Variants in F13A1 observed in about 807,000 individuals in gnomAD.
F13A1 encodes the protein coagulation factor XIII A chain.
In F13A1, 47 loss-of-function variants were observed where a neutral mutation model predicts 80.1. That is an observed-to-expected ratio of 0.59 (90% CI 0.46 to 0.75). The LOEUF (loss-of-function observed/expected upper bound fraction) is 0.75, where lower values mean the gene tolerates loss of function less well. F13A1 is among the 30% of genes least tolerant of loss of function. F13A1 has a pLI of 0.00. For missense variants in F13A1, 817 were observed against 930.4 expected, an observed-to-expected ratio of 0.88 and a Z score of 1.59; for synonymous variants, 349 against 344.9, an observed-to-expected ratio of 1.01 and a Z score of -0.13.
chr6:6,259,713 A>G (rs1224137704), intron 4 of F13A1, among the ~76,000 whole-genome samples: 5 of 152,208 alleles, frequency 3.3e-5, no homozygotes, highest in Non-Finnish European at 7.3e-5. Context: ...AAATCAACAC[A>G]GCAAACATTT....
At chr6:6,300,216 T>TGCCCCA in intron 3 of F13A1, among the ~76,000 whole-genome samples, 1 of 129,796 alleles carries the variant, frequency 7.7e-6, no homozygotes, top group Admixed American at 7.3e-5. Context: ...GTCTGTGCCC[T>TGCCCCA]GAGGTGGAGC....
chr6:6,301,897 C>T (rs1009395937), intron 3 of F13A1, among the ~76,000 whole-genome samples: 6 of 152,300 alleles, frequency 3.9e-5, no homozygotes, highest in South Asian at 2.1e-4. Flanking sequence ...AGCTAGAGTT[C>T]ACCTTGAGAT....
chr6:6,198,317 G>A (rs1761327949), intron 8 of F13A1, among the ~76,000 whole-genome samples: 1 of 152,130 alleles, frequency 6.6e-6, no homozygotes, highest in Non-Finnish European at 1.5e-5. Flanking sequence ...TCCTTGAAAA[G>A]ACCTGAAATT....
At chr6:6,209,046 AAG>A (rs1307026949) in intron 8 of F13A1, among the ~76,000 whole-genome samples, 3 of 152,292 alleles carry the variant, frequency 2.0e-5, no homozygotes, top group African/African-American at 7.2e-5. Flanking sequence ...AGAAAGTGAA[AAG>A]AGAGCCCATG....
chr6:6,164,845 C>T (rs1760638691), intron 13 of F13A1, among the ~76,000 whole-genome samples: 1 of 151,116 alleles, frequency 6.6e-6, no homozygotes, highest in Non-Finnish European at 1.5e-5. Flanking sequence ...CCTCCCTTCC[C>T]CTCCCTCCTT....
intron 10 of F13A1, among the ~76,000 whole-genome samples, chr6:6,185,610 C>CATTGTTGGA (rs1761066805): frequency 6.6e-6 from 1 of 151,630 alleles, no homozygotes; most frequent in South Asian, 2.1e-4. Flanking sequence ...TTTTCTTAAT[C>CATTGTTGGA]CAGTCTATCA....
chr6:6,154,562 C>A (rs1760441716), intron 13 of F13A1, among the ~76,000 whole-genome samples: 1 of 152,198 alleles, frequency 6.6e-6, no homozygotes, highest in Admixed American at 6.5e-5. Flanking sequence ...CAGCAATTGC[C>A]AAATATTCCT....
chr6:6,145,600 A>T lies in F13A1; in HGVS notation c.*19T>A. 1 of 1,614,158 alleles carries T rather than the reference A, an allele frequency of 6.2e-7. No individual in the cohort carries two copies. The highest frequency in any genetic ancestry group is 8.5e-7 in the Non-Finnish European group (1 of 1,179,980). On this transcript the variant is annotated 3_prime_UTR_variant, in exon 15 of 15. Transcript: ENST00000264870. ...TACAAGAGGCCAAATGCCAGGGTTC[A>T]TCTCAGCTTCCTGTGCATTCACATG...
chr6:6,287,224 T>G (rs933088392), intron 3 of F13A1, among the ~76,000 whole-genome samples: 2 of 152,200 alleles, frequency 1.3e-5, no homozygotes, highest in African/African-American at 4.8e-5. Context: ...TCATTAAATA[T>G]TTTCCCCCAC....
intron 14 of F13A1, among the ~76,000 whole-genome samples, chr6:6,149,449 T>C (rs1244519876): frequency 2.0e-5 from 3 of 152,206 alleles, no homozygotes; most frequent in Non-Finnish European, 4.4e-5. Context: ...TCCAGTGTGA[T>C]ACCATTTAGC....
chr6:6,294,553 T>C (rs936473846), intron 3 of F13A1, among the ~76,000 whole-genome samples: 30 of 150,438 alleles, frequency 2.0e-4, no homozygotes, highest in African/African-American at 6.0e-4. Context: ...TATATATATA[T>C]ACACACACGT....
intron 10 of F13A1, among the ~76,000 whole-genome samples, chr6:6,183,428 A>T (rs17375559): frequency 0.12 from 17,661 of 152,234 alleles, 1,378 homozygotes; most frequent in Middle Eastern, 0.19. Context: ...AACAAAATAG[A>T]TTTGGTTGCT....
intron 12 of F13A1, among the ~76,000 whole-genome samples, chr6:6,172,396 C>A (rs939354310): frequency 2.0e-5 from 3 of 152,192 alleles, no homozygotes; most frequent in South Asian, 2.1e-4. Flanking sequence ...ACCTTTACTA[C>A]CCTAGGAATA....
Position 6,183,623 on chromosome 6 carries a change from C to A in F13A1, c.1306-1482G>T, listed in dbSNP as rs566606492. Among the ~76,000 whole-genome samples, 15 of 152,268 alleles carry A rather than the reference C, an allele frequency of 9.9e-5. No homozygotes were observed. The South Asian group carries it at 2.7e-3, about 27-fold the overall frequency. On this transcript the variant is annotated intron_variant, in intron 10 of 14. Transcript: ENST00000264870. ...AGATAGTCAGGCTTGAGAAGCCCTG[C>A]AATACAGTGCGATAAGTACCATGAA...
intron 13 of F13A1, among the ~76,000 whole-genome samples, chr6:6,165,887 G>C (rs1361927056): frequency 6.6e-6 from 1 of 152,254 alleles, no homozygotes; most frequent in African/African-American, 2.4e-5. Flanking sequence ...GCCATGGTGG[G>C]CCTGTGGGCC....
chr6:6,212,374 G>A (rs1194421724), intron 8 of F13A1, among the ~76,000 whole-genome samples: 2 of 152,116 alleles, frequency 1.3e-5, no homozygotes, highest in Admixed American at 6.5e-5. Flanking sequence ...CCTGACCCCT[G>A]ACCCCCAAGC....
chr6:6,145,312 T>C lies in F13A1; in HGVS notation c.*307A>G, dbSNP rs528770993. On this transcript the variant is annotated 3_prime_UTR_variant, in exon 15 of 15. Coordinates refer to ENST00000264870, the MANE Select transcript of F13A1 (RefSeq NM_000129.4). ...CCCTGGTAAGAGAGCCCACTGATAT[T>C]TGGAGATGTAGCCATTTGTGATGAT... 1 of 390,500 alleles carries C rather than the reference T, an allele frequency of 2.6e-6. No homozygotes were observed. Among genetic ancestry groups the C allele is most frequent in the South Asian group, 2.3e-5 (1 of 44,388 alleles). The allele number at this position is 390,500 out of a possible 1,614,324, so 24.2% of individuals were successfully genotyped here.
At chr6:6,288,138 CT>C in intron 3 of F13A1, among the ~76,000 whole-genome samples, 1 of 152,256 alleles carries the variant, frequency 6.6e-6, no homozygotes, top group South Asian at 2.1e-4. Context: ...CCTTTCTTTT[CT>C]ATGTACATGG....
Position 6,250,450 on chromosome 6 carries a change from A to C in F13A1, c.690+361T>G, listed in dbSNP as rs1225673233. Among the ~76,000 whole-genome samples, 1 of 151,896 alleles carries C rather than the reference A, an allele frequency of 6.6e-6. No individual in the cohort carries two copies. The highest frequency in any genetic ancestry group is 1.5e-5 in the Non-Finnish European group (1 of 67,982). ...AAGAAGCTATTTCTTTGAATTGGGC[A>C]CACCCCTTGCAGTATTCTTTGCATC... On this transcript the variant is annotated intron_variant, in intron 5 of 14. Transcript: ENST00000264870. The surrounding 1 kb of genome is among the most constrained non-coding windows in gnomAD (Gnocchi z 4.2).
Sources: gnomAD v4.1 joint callset for allele counts (sites outside exome capture counted in the v4.1 genomes callset) on GRCh38, gnomAD v4.1.1 for gene constraint, Gnocchi (gnomAD v3.1) non-coding constraint, MANE v1.5 for transcripts, NCBI Gene and HGNC (gene_info 2026-07-23, HGNC 2026-07-21) for gene names.